The following DNAJC18 variants were observed in gnomAD, a reference collection of about 807,000 sequenced individuals.
DNAJC18 encodes the protein DnaJ heat shock protein family (Hsp40) member C18, also known as dnaJ homolog subfamily C member 18.
DNAJC18 carries 40 observed loss-of-function variants against 48.6 expected under a neutral mutation model. The observed-to-expected ratio is 0.82, with a 90% CI of 0.64 to 1.07. DNAJC18 has a LOEUF of 1.07. Among genes scored for constraint, DNAJC18 ranks in the 50% least tolerant of loss-of-function variants. DNAJC18 has a pLI of 0.00. For missense variants in DNAJC18, 340 were observed against 427.7 expected (o/e 0.79, Z 1.81); for synonymous variants, 135 against 152.2 (o/e 0.89, Z 0.83).
chr5:139,419,041 A>G, intron 7 of DNAJC18: 1 of 419,966 alleles, frequency 2.4e-6, no homozygotes, highest in Non-Finnish European at 4.8e-6. Flanking sequence ...AGGGCTTAGC[A>G]GCACTGTGAC....
intron 2 of DNAJC18, among the ~76,000 whole-genome samples, chr5:139,437,129 G>A (rs1750681421): frequency 6.6e-6 from 1 of 152,178 alleles, no homozygotes; most frequent in South Asian, 2.1e-4. Flanking sequence ...AGAATGTCCT[G>A]TAGATGTGTG....
chr5:139,437,579 A>T, intron 1 of DNAJC18, 21 bp from the exon 2 acceptor site: 2 of 1,601,664 alleles, frequency 1.2e-6, no homozygotes, highest in Non-Finnish European at 1.7e-6. Context: ...CAGCCCCTCC[A>T]TTAGGTCTCC....
At chr5:139,429,450 A>T (rs1451466213) in intron 2 of DNAJC18, among the ~76,000 whole-genome samples, 1 of 152,150 alleles carries the variant, frequency 6.6e-6, no homozygotes, top group Non-Finnish European at 1.5e-5. Context: ...TAAAGTTTAT[A>T]CAGTAAAAAT....
chr5:139,428,441 C>T (rs897109368), intron 3 of DNAJC18, 97 bp downstream of exon 3: 1 of 1,495,350 alleles, frequency 6.7e-7, no homozygotes, highest in Non-Finnish European at 8.9e-7. Context: ...AAAAACCCTC[C>T]TTATGGCCTT....
chr5:139,433,928 G>C (rs1031013703), intron 2 of DNAJC18, among the ~76,000 whole-genome samples: 4 of 152,160 alleles, frequency 2.6e-5, no homozygotes, highest in African/African-American at 9.7e-5. Context: ...TTTCGCTCTT[G>C]TTGCCCAGGC....
At chr5:139,432,004 T>C (rs1759337365) in intron 2 of DNAJC18, among the ~76,000 whole-genome samples, 2 of 152,230 alleles carry the variant, frequency 1.3e-5, no homozygotes. Context: ...GAGGAATATA[T>C]AGGAGGAATG....
chr5:139,435,239 G>A (rs987261102), intron 2 of DNAJC18, among the ~76,000 whole-genome samples: 1 of 152,096 alleles, frequency 6.6e-6, no homozygotes, highest in African/African-American at 2.4e-5. Flanking sequence ...TGTAGTCACA[G>A]CTACTCAGGA....
At chr5:139,434,367 A>G (rs1750594082) in intron 2 of DNAJC18, among the ~76,000 whole-genome samples, 2 of 152,182 alleles carry the variant, frequency 1.3e-5, no homozygotes, top group South Asian at 4.1e-4. Context: ...TTTGTCACCC[A>G]GGCTGGATTG....
chr5:139,425,061 G>T lies in DNAJC18; in HGVS notation c.613C>A (p.Arg205=). 1 of 1,613,184 alleles carries T rather than the reference G, an allele frequency of 6.2e-7. No homozygotes were observed. The highest frequency in any genetic ancestry group is 8.5e-7 in the Non-Finnish European group (1 of 1,179,374). Residue 205 remains arginine (R), a synonymous_variant, in exon 5 of 8, where the codon CGG becomes AGG. Coordinates refer to ENST00000302060, the MANE Select transcript of DNAJC18 (RefSeq NM_152686.4). ...VTDDTYYYRR[R]HRHERTQTQK... ...GTCTGTGTCCTCTCATGTCGGTGCC[G>T]TCGACGGTAATAGTAAGTGTCATCT...
intron 2 of DNAJC18, among the ~76,000 whole-genome samples, chr5:139,434,080 G>A (rs565981815): frequency 3.3e-5 from 5 of 152,118 alleles, no homozygotes; most frequent in Non-Finnish European, 5.9e-5. Flanking sequence ...TAGTAGAGAC[G>A]GAGTTTTGCC....
chr5:139,437,481 T>C lies in DNAJC18; in HGVS notation c.118A>G (p.Asn40Asp). ...PESHDPCGCC[N>D]CMKAQKEKKS... ...TTTTCCTTTTGTGCCTTCATGCAGT[T>C]ACAGCAGCCACAGGGGTCATGACTC... is the stretch of plus-strand genomic sequence containing the variant. The change falls in exon 2 of 8, where the codon AAC becomes GAC. Residue 40 changes from asparagine (N) to aspartate (D), a missense_variant. Coordinates refer to ENST00000302060, the MANE Select transcript of DNAJC18 (RefSeq NM_152686.4). 4 of 1,614,222 alleles carry C rather than the reference T, an allele frequency of 2.5e-6. No individual in the cohort carries two copies. Among genetic ancestry groups the C allele is most frequent in the Non-Finnish European group, 2.5e-6 (3 of 1,180,038 alleles).
At chr5:139,433,374 G>A (rs1215619351) in intron 2 of DNAJC18, among the ~76,000 whole-genome samples, 3 of 151,606 alleles carry the variant, frequency 2.0e-5, no homozygotes, top group East Asian at 1.9e-4. Context: ...AACCTGGGAG[G>A]TGGAGGTTGC....
At position 139,410,334 on chromosome 5, in the gene DNAJC18, A is replaced by G. The variant is rs761498493; in HGVS notation, c.*3814T>C. On this transcript the variant is annotated 3_prime_UTR_variant, in exon 8 of 8. Coordinates refer to ENST00000302060, the MANE Select transcript of DNAJC18 (RefSeq NM_152686.4). ...AGCTGATTCCATTTGTGTCATCCCT[A>G]CTCTGGTCACAGAACATTCACATCT... 3 of 152,126 alleles carry G rather than the reference A, an allele frequency of 2.0e-5. No homozygotes were observed. The highest frequency in any genetic ancestry group is 4.4e-5 in the Non-Finnish European group (3 of 68,022). The allele number at this position is 152,126 out of a possible 1,614,324, so 9.4% of individuals were successfully genotyped here. A position where few individuals can be genotyped will look rare whatever the true frequency, so the allele number is the denominator to read the frequency against.
chr5:139,419,070 A>C, intron 7 of DNAJC18: 1 of 425,662 alleles, frequency 2.3e-6, no homozygotes, highest in Non-Finnish European at 4.7e-6. Context: ...TAATTTTATC[A>C]GACTCCATTA....
chr5:139,424,061 A>G (rs977718091), intron 5 of DNAJC18, among the ~76,000 whole-genome samples: 3 of 152,264 alleles, frequency 2.0e-5, no homozygotes, highest in Admixed American at 1.3e-4. Flanking sequence ...AGAGGTAATC[A>G]CGTTTTCTCT....
chr5:139,434,278 C>A (rs1367007466), intron 2 of DNAJC18, among the ~76,000 whole-genome samples: 1 of 152,094 alleles, frequency 6.6e-6, no homozygotes. Context: ...CCACTCAAAC[C>A]TGTGTTGTTC....
At chr5:139,419,223 C>A in intron 7 of DNAJC18, 1 of 438,030 alleles carries the variant, frequency 2.3e-6, no homozygotes, top group Non-Finnish European at 4.5e-6. Context: ...TTTTAGAAGA[C>A]ACAGTCACTA....
chr5:139,425,186 T>TG (rs1759217242), intron 4 of DNAJC18, 72 bp from the exon 5 acceptor site: 2 of 1,353,694 alleles, frequency 1.5e-6, no homozygotes. Context: ...TTTTTGGAGA[T>TG]GGAGTTTTGC....
At chr5:139,431,495 A>AT (rs1403880300) in intron 2 of DNAJC18, among the ~76,000 whole-genome samples, 2 of 151,976 alleles carry the variant, frequency 1.3e-5, no homozygotes, top group African/African-American at 4.8e-5. Context: ...ACTTACTGTA[A>AT]TTTTTTCAAG....
Sources: allele counts gnomAD v4.1 joint callset (sites outside exome capture counted in the v4.1 genomes callset), GRCh38; gene constraint gnomAD v4.1.1; transcripts MANE v1.5; gene names NCBI Gene and HGNC (gene_info 2026-07-23, HGNC 2026-07-21).